Variants in COG5 observed in about 807,000 individuals in gnomAD.
COG5 encodes component of oligomeric golgi complex 5.
A neutral mutation model predicts 110.4 loss-of-function variants in COG5; 86 were observed. That is an observed-to-expected ratio of 0.78 (90% confidence interval 0.65 to 0.93). The LOEUF (loss-of-function observed/expected upper bound fraction) is 0.93. Among genes scored for constraint, COG5 ranks in the 40% least tolerant of loss-of-function variants. COG5 has a pLI of 0.00. For synonymous variants in COG5, 360 were observed against 334.6 expected (o/e 1.08, Z -0.83); for missense variants, 1,077 against 987.0 (o/e 1.09, Z -1.22).
chr7:107,221,795 T>C (rs1222833632), intron 19 of COG5, among the ~76,000 whole-genome samples: 1 of 151,954 alleles, frequency 6.6e-6, no homozygotes, highest in Non-Finnish European at 1.5e-5. Context: ...ATGCTTAACT[T>C]TCTCTTAGGA....
intron 7 of COG5, among the ~76,000 whole-genome samples, chr7:107,384,384 C>T (rs985778098): frequency 3.9e-5 from 6 of 152,148 alleles, no homozygotes; most frequent in African/African-American, 1.2e-4. Context: ...TGAGGTGGAG[C>T]CTCGGGAAGT....
At chr7:107,470,156 G>A (rs1796548621) in intron 6 of COG5, 1 of 152,168 alleles carries the variant, frequency 6.6e-6, no homozygotes, top group Admixed American at 6.5e-5. Context: ...GAGACAAGAA[G>A]CCTTCAGTAT....
At chr7:107,541,836 CAGA>C (rs1442382992) in intron 5 of COG5, among the ~76,000 whole-genome samples, 3 of 149,840 alleles carry the variant, frequency 2.0e-5, no homozygotes, top group African/African-American at 4.9e-5. Context: ...GAGGCTGAGG[CAGA>C]AGAATTGCTT....
chr7:107,420,235 AT>A (rs1310693547), intron 6 of COG5, among the ~76,000 whole-genome samples: 3 of 152,224 alleles, frequency 2.0e-5, no homozygotes, highest in African/African-American at 4.8e-5. Context: ...AACAGTGAAG[AT>A]TAAAAAACCT....
At chr7:107,439,688 TAG>T (rs1794589831) in intron 6 of COG5, among the ~76,000 whole-genome samples, 1 of 152,158 alleles carries the variant, frequency 6.6e-6, no homozygotes. Context: ...TCTAATGTAA[TAG>T]ATCCTTTTGA....
At chr7:107,283,506 T>C in intron 13 of COG5, 65 bp downstream of exon 13, 1 of 1,355,516 alleles carries the variant, frequency 7.4e-7, no homozygotes, top group Admixed American at 1.7e-5. Context: ...AAGGTACTGC[T>C]ATCATATATC....
intron 14 of COG5, among the ~76,000 whole-genome samples, chr7:107,260,941 GT>G (rs1182363145): frequency 6.6e-6 from 1 of 150,514 alleles, no homozygotes; most frequent in Non-Finnish European, 1.5e-5. Flanking sequence ...TCTTGTCATA[GT>G]TTTTTTGTTT....
At chr7:107,261,396 C>A (rs1030502583) in intron 14 of COG5, among the ~76,000 whole-genome samples, 2 of 152,040 alleles carry the variant, frequency 1.3e-5, no homozygotes, top group African/African-American at 4.8e-5. Context: ...TGGCCCTTTA[C>A]CCCTAAATAT....
At chr7:107,463,583 A>G (rs775460537) in intron 6 of COG5, among the ~76,000 whole-genome samples, 3 of 152,206 alleles carry the variant, frequency 2.0e-5, no homozygotes, top group Admixed American at 6.5e-5. Flanking sequence ...CCAAAACAAT[A>G]GTACACTGAA....
chr7:107,454,002 T>G (rs981853071), intron 6 of COG5, among the ~76,000 whole-genome samples: 1 of 152,178 alleles, frequency 6.6e-6, no homozygotes, highest in Non-Finnish European at 1.5e-5. Context: ...AAAAAATTCA[T>G]TAATGATACT....
intron 18 of COG5, among the ~76,000 whole-genome samples, chr7:107,231,915 AC>A (rs1370643773): frequency 6.6e-6 from 1 of 152,242 alleles, no homozygotes; most frequent in East Asian, 1.9e-4. Flanking sequence ...CCACATATAA[AC>A]ATATATAAAC....
chr7:107,495,828 A>G (rs1798238001), intron 6 of COG5, among the ~76,000 whole-genome samples: 1 of 152,210 alleles, frequency 6.6e-6, no homozygotes, highest in South Asian at 2.1e-4. Flanking sequence ...AAAGTATTTG[A>G]TTAACATAAA....
chr7:107,314,187 A>G (rs1808525497), intron 11 of COG5, among the ~76,000 whole-genome samples: 1 of 152,202 alleles, frequency 6.6e-6, no homozygotes. Flanking sequence ...AAAGAAAAAT[A>G]ACAATTTTAA....
intron 19 of COG5, among the ~76,000 whole-genome samples, chr7:107,228,268 C>A (rs1218555933): frequency 2.0e-5 from 3 of 146,602 alleles, no homozygotes; most frequent in Non-Finnish European, 4.5e-5. Flanking sequence ...GATCGCACCA[C>A]TGCACTCTAA....
intron 6 of COG5, among the ~76,000 whole-genome samples, chr7:107,423,424 G>GGGATCAAC (rs1793428736): frequency 6.6e-6 from 1 of 152,064 alleles, no homozygotes; most frequent in South Asian, 2.1e-4. Context: ...AGTTGATCTA[G>GGGATCAAC]AACATTAAGG....
At chr7:107,209,826 G>A in intron 21 of COG5, 1 of 985,516 alleles carries the variant, frequency 1.0e-6, no homozygotes, top group Non-Finnish European at 1.2e-6. Flanking sequence ...GTTTACAGAA[G>A]GAAATGGCGG....
chr7:107,541,860 G>A (rs1239703598), intron 5 of COG5, among the ~76,000 whole-genome samples: 13 of 151,488 alleles, frequency 8.6e-5, no homozygotes, highest in African/African-American at 3.1e-4. Context: ...GAAGCCAGGA[G>A]GCGCGGTTGC....
At chr7:107,456,272 C>T (rs1442372659) in intron 6 of COG5, among the ~76,000 whole-genome samples, 4 of 152,260 alleles carry the variant, frequency 2.6e-5, no homozygotes, top group East Asian at 3.9e-4. Flanking sequence ...CAAGGTAGTT[C>T]ATAATTGCTA....
At chr7:107,498,058 C>G (rs1798390666) in intron 6 of COG5, among the ~76,000 whole-genome samples, 2 of 152,074 alleles carry the variant, frequency 1.3e-5, no homozygotes, top group Admixed American at 1.3e-4. Flanking sequence ...TCAACAAATA[C>G]AAGGAAAACT....
Sources: gnomAD v4.1 joint callset for allele counts (sites outside exome capture counted in the v4.1 genomes callset) on GRCh38, gnomAD v4.1.1 for gene constraint, MANE v1.5 for transcripts, NCBI Gene and HGNC (gene_info 2026-07-23, HGNC 2026-07-21) for gene names.